The following ERBIN variants were observed in gnomAD, a reference collection of about 807,000 sequenced individuals.
ERBIN encodes the protein erbb2 interacting protein.
In ERBIN, 60 loss-of-function variants were observed where a neutral mutation model predicts 158.4. The observed-to-expected ratio is 0.38, with a 90% CI of 0.31 to 0.47. The LOEUF (loss-of-function observed/expected upper bound fraction) is 0.47, where lower values mean the gene tolerates loss of function less well. Ranked by LOEUF, ERBIN falls within the 20% of genes least tolerant of loss-of-function variation. The pLI is 0.99. For missense variants in ERBIN, 1,610 were observed against 1,648.0 expected (o/e 0.98, Z 0.40); for synonymous variants, 594 against 557.2 (o/e 1.07, Z -0.93).
chr5:65,997,084 C>T (rs189278594), intron 4 of ERBIN, among the ~76,000 whole-genome samples: 341 of 152,242 alleles, frequency 2.2e-3, no homozygotes, highest in Non-Finnish European at 4.0e-3. Flanking sequence ...ACTTCAATTT[C>T]TCCTATTCTA....
At chr5:66,013,338 C>A (rs553271948) in intron 5 of ERBIN, among the ~76,000 whole-genome samples, 12 of 152,040 alleles carry the variant, frequency 7.9e-5, no homozygotes, top group Non-Finnish European at 1.5e-4. Flanking sequence ...AATATTACCT[C>A]ATTTTCTGTT....
chr5:66,017,087 T>G (rs756074137), intron 7 of ERBIN, among the ~76,000 whole-genome samples: 7 of 152,152 alleles, frequency 4.6e-5, no homozygotes, highest in Admixed American at 2.0e-4. Flanking sequence ...CTTTATCCAT[T>G]CTTCTGTTGA....
chr5:65,977,410 G>C (rs1406252057), intron 1 of ERBIN, among the ~76,000 whole-genome samples: 1 of 151,356 alleles, frequency 6.6e-6, no homozygotes, highest in Non-Finnish European at 1.5e-5. Context: ...CGGGGCGGCT[G>C]CCGGGCGGAG....
chr5:66,067,142 C>T (rs1008050622), intron 21 of ERBIN, among the ~76,000 whole-genome samples: 1 of 152,062 alleles, frequency 6.6e-6, no homozygotes, highest in Non-Finnish European at 1.5e-5. Flanking sequence ...CAGATTGCCT[C>T]GTTAAATCCT....
At chr5:66,027,044 T>TAGAAATTAAGAGAAGGGAGAGA (rs1561394055) in intron 13 of ERBIN, among the ~76,000 whole-genome samples, 4 of 152,034 alleles carry the variant, frequency 2.6e-5, no homozygotes, top group Non-Finnish European at 5.9e-5. Context: ...TCCATACTTT[T>TAGAAATTAAGAGAAGGGAGAGA]TCGTGAGGTA....
At chr5:65,943,071 A>AGT (rs1267840442) in intron 1 of ERBIN, among the ~76,000 whole-genome samples, 10 of 152,232 alleles carry the variant, frequency 6.6e-5, no homozygotes, top group African/African-American at 2.4e-4. Context: ...ATAAGCCAAT[A>AGT]GTGATACATT....
chr5:65,939,158 G>A (rs116732416), intron 1 of ERBIN, among the ~76,000 whole-genome samples: 1,688 of 152,202 alleles, frequency 0.011, 25 homozygotes, highest in African/African-American at 0.037. Flanking sequence ...AAATACAATA[G>A]CCAGGCATGG....
At chr5:66,069,809 T>G (rs895073475) in intron 21 of ERBIN, among the ~76,000 whole-genome samples, 1 of 152,190 alleles carries the variant, frequency 6.6e-6, no homozygotes, top group African/African-American at 2.4e-5. Context: ...AAGTATTTGC[T>G]TACTTCTGGG....
At chr5:66,071,194 C>T (rs1015696920) in intron 21 of ERBIN, among the ~76,000 whole-genome samples, 2 of 152,060 alleles carry the variant, frequency 1.3e-5, no homozygotes, top group African/African-American at 4.8e-5. Context: ...CCTCTTCCCC[C>T]TCCCCGCCTA....
intron 3 of ERBIN, among the ~76,000 whole-genome samples, chr5:65,993,288 CA>C (rs1406982552): frequency 6.6e-6 from 1 of 152,062 alleles, no homozygotes; most frequent in Non-Finnish European, 1.5e-5. Context: ...TAATTGAGGG[CA>C]ATTGTCCTTT....
rs1755051322 is a variant in ERBIN, at chr5:66,018,448, TATATATTATATTATA to T, written c.534-2873_534-2859del. ...GAATAAATTGATATATATAATATAA[TATATATTATATTATA>T]TAATATATATTATATATTATATATT... is the stretch of plus-strand genomic sequence containing the variant. On this transcript the variant is annotated intron_variant, in intron 7 of 25. Coordinates refer to ENST00000284037, the MANE Select transcript of ERBIN (RefSeq NM_001253697.2). 9.2e-5 allele frequency among the ~76,000 whole-genome samples: 4 copies of T among 43,566 alleles called. 1 individual carries two copies. The highest frequency in any genetic ancestry group is 1.6e-4 in the Non-Finnish European group (4 of 24,906). The allele number at this position is 43,566 out of a possible 152,430, so 28.6% of individuals were successfully genotyped here.
At chr5:66,037,027 G>C (rs149893514) in intron 14 of ERBIN, among the ~76,000 whole-genome samples, 5 of 152,282 alleles carry the variant, frequency 3.3e-5, no homozygotes, top group Non-Finnish European at 5.9e-5. Flanking sequence ...TAGTCACAGA[G>C]TTGTGCAACA....
chr5:66,044,073 ATT>A (rs1416910214), intron 16 of ERBIN, 62 bp from the exon 17 acceptor site: 1 of 1,235,572 alleles, frequency 8.1e-7, no homozygotes, highest in Non-Finnish European at 1.1e-6. Flanking sequence ...TACAGATTAA[ATT>A]TTGTTTGAGA....
chr5:66,042,756 C>G (rs1758038470), intron 15 of ERBIN, among the ~76,000 whole-genome samples: 1 of 152,034 alleles, frequency 6.6e-6, no homozygotes, highest in Admixed American at 6.5e-5. Flanking sequence ...TCTACCATAG[C>G]ACCTTTTAGA....
intron 3 of ERBIN, among the ~76,000 whole-genome samples, chr5:65,994,089 A>G (rs994848558): frequency 1.3e-5 from 2 of 152,160 alleles, no homozygotes; most frequent in African/African-American, 4.8e-5. Context: ...TTACAGAGAA[A>G]TCTTTATATG....
At chr5:65,936,429 T>C (rs890417221) in intron 1 of ERBIN, among the ~76,000 whole-genome samples, 2 of 152,136 alleles carry the variant, frequency 1.3e-5, no homozygotes, top group Non-Finnish European at 1.5e-5. Flanking sequence ...CTTCAGAAGA[T>C]TTAGTTTATT....
chr5:65,946,540 A>G (rs1215681941), intron 1 of ERBIN, among the ~76,000 whole-genome samples: 1 of 152,200 alleles, frequency 6.6e-6, no homozygotes, highest in Non-Finnish European at 1.5e-5. Context: ...TTTCATGTTG[A>G]AGGTCATCTG....
chr5:66,059,465 C>T (rs930565500), intron 21 of ERBIN, among the ~76,000 whole-genome samples: 9 of 152,160 alleles, frequency 5.9e-5, no homozygotes, highest in Non-Finnish European at 8.8e-5. Flanking sequence ...TCTAGATATA[C>T]AATCATGTCA....
At chr5:66,020,861 G>C (rs10075359) in intron 7 of ERBIN, among the ~76,000 whole-genome samples, 8,773 of 151,942 alleles carry the variant, frequency 0.058, 888 homozygotes, top group African/African-American at 0.2. Flanking sequence ...GTAATACAAC[G>C]TACTGTTAGC....
Sources: gnomAD v4.1 joint callset for allele counts (sites outside exome capture counted in the v4.1 genomes callset) on GRCh38, gnomAD v4.1.1 for gene constraint, MANE v1.5 for transcripts, NCBI Gene and HGNC (gene_info 2026-07-23, HGNC 2026-07-21) for gene names.